MYO1E: variants seen among roughly 807,000 people sequenced by gnomAD.
MYO1E encodes the protein myosin IE.
MYO1E carries 68 observed loss-of-function variants against 151.1 expected under a neutral mutation model. That is an observed-to-expected ratio of 0.45 (90% CI 0.37 to 0.55). MYO1E has a LOEUF of 0.55. Ranked by LOEUF, MYO1E falls within the 20% of genes least tolerant of loss-of-function variation. The pLI, the probability that MYO1E is intolerant of heterozygous loss-of-function variation, is 0.00. For synonymous variants in MYO1E, 601 were observed against 501.7 expected, an observed-to-expected ratio of 1.20 and a Z score of -2.64; for missense variants, 1,363 against 1,389.3, an observed-to-expected ratio of 0.98 and a Z score of 0.30.
intron 1 of MYO1E, among the ~76,000 whole-genome samples, chr15:59,357,329 T>C (rs1469455653): frequency 2.6e-5 from 4 of 151,964 alleles, no homozygotes; most frequent in African/African-American, 4.8e-5. Context: ...GGATTCTACC[T>C]GAAAAGTAAC....
At position 59,311,679 on chromosome 15, in the gene MYO1E, C is replaced by T. The variant is rs574243142; in HGVS notation, c.4-39230G>A. Among the ~76,000 whole-genome samples the T allele has an allele frequency of 1.8e-4, 27 of 152,262 alleles. 1 individual carries two copies. The South Asian group carries it at 4.1e-3, about 23-fold the overall frequency. ...GTTATAGGCAACGTTATGATTTAAA[C>T]GTGTCTTCCAAAGTTCATGTGCTGA... On this transcript the variant is annotated intron_variant, in intron 1 of 27. Transcript: ENST00000288235.
chr15:59,136,466 AG>A lies in MYO1E; in HGVS notation c.*913del, dbSNP rs1321570723. 7 of 288,310 alleles carry A rather than the reference AG, an allele frequency of 2.4e-5. No individual in the cohort carries two copies. The Admixed American group carries it at 2.8e-4, about 12-fold the overall frequency. 17.9% of individuals were successfully genotyped at this position (288,310 alleles called of 1,614,324 possible). ...AGAGTCTGCAGGGACTGACCTAGAAAGCAGTGACACTCCGTAGTTGGAAAAA... is the reference window on the plus strand; with the variant it reads ...AGAGTCTGCAGGGACTGACCTAGAAACAGTGACACTCCGTAGTTGGAAAAA... On this transcript the variant is annotated 3_prime_UTR_variant, in exon 28 of 28. Transcript: ENST00000288235.
intron 17 of MYO1E, among the ~76,000 whole-genome samples, chr15:59,190,267 G>A (rs767495919): frequency 3.3e-5 from 5 of 152,216 alleles, no homozygotes; most frequent in Non-Finnish European, 5.9e-5. Flanking sequence ...TTGTGCTGCA[G>A]TAGGGAGGTA....
intron 27 of MYO1E, among the ~76,000 whole-genome samples, 200 bp downstream of exon 27, chr15:59,137,998 G>A (rs2079383323): frequency 6.6e-6 from 1 of 152,174 alleles, no homozygotes; most frequent in Non-Finnish European, 1.5e-5. Context: ...ACAAGGGAGG[G>A]AATATAAATA....
intron 1 of MYO1E, among the ~76,000 whole-genome samples, chr15:59,366,598 G>A (rs886594583): frequency 2.2e-4 from 33 of 152,050 alleles, no homozygotes; most frequent in Admixed American, 7.2e-4. Context: ...TCAGAAGGGC[G>A]GGCCAACTTC....
chr15:59,256,764 G>A (rs868783312), intron 3 of MYO1E, among the ~76,000 whole-genome samples: 3 of 152,114 alleles, frequency 2.0e-5, no homozygotes, highest in Non-Finnish European at 4.4e-5. Context: ...ACAGGTCTTT[G>A]GAGAGGCCTG....
intron 5 of MYO1E, among the ~76,000 whole-genome samples, chr15:59,236,056 G>T (rs2080060790): frequency 6.6e-6 from 1 of 151,758 alleles, no homozygotes; most frequent in African/African-American, 2.4e-5. Context: ...TATATATTAG[G>T]CACATCTACC....
rs753545058 is a variant in MYO1E, at chr15:59,207,007, T to C, written c.1531-1522A>G. The C allele has an allele frequency of 1.2e-4, 187 of 1,613,912 alleles. 1 individual carries two copies. Among genetic ancestry groups the C allele is most frequent in the Non-Finnish European group, 1.5e-4 (181 of 1,179,976 alleles). ...GAGCTCGGTGGGAGCGAATTTCCTA[T>C]GCCTGGGGATGGCCCTGTGTCCGCG... On this transcript the variant is annotated intron_variant, in intron 14 of 27. Coordinates refer to ENST00000288235, the MANE Select transcript of MYO1E (RefSeq NM_004998.4).
chr15:59,243,572 T>A (rs2080112587), intron 4 of MYO1E, among the ~76,000 whole-genome samples: 1 of 152,186 alleles, frequency 6.6e-6, no homozygotes, highest in Admixed American at 6.5e-5. Flanking sequence ...AGAGCTCTAC[T>A]GCTCAGAGGA....
intron 1 of MYO1E, among the ~76,000 whole-genome samples, chr15:59,284,920 T>C (rs1341844008): frequency 6.6e-6 from 1 of 152,218 alleles, no homozygotes; most frequent in Non-Finnish European, 1.5e-5. Flanking sequence ...ACTTCTGCTC[T>C]GATTATATTT....
Position 59,224,833 on chromosome 15 carries a change from G to A in MYO1E, c.643-10C>T, listed in dbSNP as rs1406788559. 12 of 1,614,190 alleles carry A rather than the reference G, an allele frequency of 7.4e-6. No individual in the cohort carries two copies. In the East Asian group the frequency reaches 2.2e-4, roughly 30 times the overall value. The stretch of plus-strand genomic sequence containing the variant: ...AGGCGCCCTCGATGAGCTGGAGCAA[G>A]AGAACACAGGTTGAGCCATGATGTG... On this transcript the variant is annotated splice_polypyrimidine_tract_variant and intron_variant, in intron 7 of 27. Coordinates refer to ENST00000288235, the MANE Select transcript of MYO1E (RefSeq NM_004998.4).
intron 1 of MYO1E, among the ~76,000 whole-genome samples, chr15:59,362,054 C>G (rs2080888812): frequency 6.6e-6 from 1 of 152,056 alleles, no homozygotes; most frequent in South Asian, 2.1e-4. Flanking sequence ...CTAGGCTGGT[C>G]TCGAACTCCT....
chr15:59,318,653 G>T (rs933651785), intron 1 of MYO1E, among the ~76,000 whole-genome samples: 7 of 152,190 alleles, frequency 4.6e-5, no homozygotes, highest in Admixed American at 4.6e-4. Context: ...TGGGGGTAGA[G>T]AGTAGTAGAA....
At position 59,372,656 on chromosome 15, in the gene MYO1E, GGGGACTCCATCCAGGCGGGAT is replaced by G. The variant is rs2080955143; in HGVS notation, c.-177_-157del. 1 of 923,488 alleles carries G rather than the reference GGGGACTCCATCCAGGCGGGAT, an allele frequency of 1.1e-6. No individual in the cohort carries two copies. The highest frequency in any genetic ancestry group is 1.7e-5 in the African/African-American group (1 of 58,732). The allele number at this position is 923,488 out of a possible 1,614,324, so 57.2% of individuals were successfully genotyped here. A position where few individuals can be genotyped will look rare whatever the true frequency, so the allele number is the denominator to read the frequency against. On this transcript the variant is annotated 5_prime_UTR_variant, in exon 1 of 28. It removes an upstream start codon present in the reference 5' UTR. Coordinates refer to ENST00000288235, the MANE Select transcript of MYO1E (RefSeq NM_004998.4). ...TCACAGGAGCCAATGGGAACCCAGAGGGGACTCCATCCAGGCGGGATTGGCGGTGCTAGGTGAGGGCGAGAC... is the reference window on the plus strand; with the variant it reads ...TCACAGGAGCCAATGGGAACCCAGAGTGGCGGTGCTAGGTGAGGGCGAGAC...
Position 59,343,816 on chromosome 15 carries a change from A to G in MYO1E, c.3+28682T>C, listed in dbSNP as rs78203652. 5.4e-3 allele frequency among the ~76,000 whole-genome samples: 828 copies of G among 152,228 alleles called. 10 individuals are homozygous for G. Among genetic ancestry groups the G allele is most frequent in the African/African-American group, 0.019 (796 of 41,536 alleles). ...AACAGACTCTGACGCATTCTTCAGT[A>G]CGTCAATTGCATTCAGCAGCTCGAG... On this transcript the variant is annotated intron_variant, in intron 1 of 27. Coordinates refer to ENST00000288235, the MANE Select transcript of MYO1E (RefSeq NM_004998.4).
At chr15:59,163,134 C>G (rs1249404912) in intron 23 of MYO1E, 23 bp downstream of exon 23, 55 of 1,613,462 alleles carry the variant, frequency 3.4e-5, no homozygotes, top group Non-Finnish European at 4.5e-5. Flanking sequence ...ACGCAGAAGT[C>G]TGGGTCCCAG....
Position 59,159,360 on chromosome 15 carries a change from GC to G in MYO1E, c.2786-982del, listed in dbSNP as rs1468625940. Among the ~76,000 whole-genome samples the G allele has an allele frequency of 3.9e-5, 6 of 152,246 alleles. No individual in the cohort carries two copies. Among genetic ancestry groups the G allele is most frequent in the Admixed American group, 1.3e-4 (2 of 15,286 alleles). On this transcript the variant is annotated intron_variant, in intron 24 of 27. Transcript: ENST00000288235. The surrounding 1 kb of genome is among the most constrained non-coding windows in gnomAD (Gnocchi z 4.4). Reference sequence around the variant, plus strand: ...AAACATAGCCTGCTGGTTATTTGCAGCCTTTCTTTGCCCGGCTCTGTGCCCT... The same window carrying G: ...AAACATAGCCTGCTGGTTATTTGCAGCTTTCTTTGCCCGGCTCTGTGCCCT...
chr15:59,171,837 A>G (rs2079596529), intron 22 of MYO1E, 60 bp downstream of exon 22: 1 of 1,610,908 alleles, frequency 6.2e-7, no homozygotes, highest in East Asian at 2.2e-5. Context: ...TGTTTGGAAC[A>G]GCGGACCGTG....
rs186418439 is a variant in MYO1E at position 59,194,101 on chromosome 15, G to A, written c.1805+1360C>T. On this transcript the variant is annotated intron_variant, in intron 17 of 27. Transcript: ENST00000288235. ...AGGCAGGAGAATCACTGGAAACCGG[G>A]AGGCAGAGGTTGCAGTGAACCAAGA... Among the ~76,000 whole-genome samples the A allele has an allele frequency of 1.4e-3, 218 of 152,014 alleles. 1 individual carries two copies. In the Middle Eastern group the frequency reaches 0.02, roughly 14 times the overall value.
Sources: gnomAD v4.1 joint callset for allele counts (sites outside exome capture counted in the v4.1 genomes callset) on GRCh38, gnomAD v4.1.1 for gene constraint, Gnocchi (gnomAD v3.1) non-coding constraint, MANE v1.5 for transcripts, NCBI Gene and HGNC (gene_info 2026-07-23, HGNC 2026-07-21) for gene names.